RIPOR2: variants seen among roughly 807,000 people sequenced by gnomAD.
RIPOR2 encodes the protein RHO family interacting cell polarization regulator 2, also known as rho family-interacting cell polarization regulator 2.
A neutral mutation model predicts 114.5 loss-of-function variants in RIPOR2; 39 were observed. The observed-to-expected ratio is 0.34, with a 90% CI of 0.26 to 0.44. RIPOR2 has a LOEUF of 0.44. RIPOR2 is among the 20% of genes least tolerant of loss of function. The pLI, the probability that RIPOR2 is intolerant of heterozygous loss-of-function variation, is 1.00. For synonymous variants in RIPOR2, 445 were observed against 484.4 expected (o/e 0.92, Z 1.07); for missense variants, 1,007 against 1,255.1 (o/e 0.80, Z 2.99).
intron 1 of RIPOR2, among the ~76,000 whole-genome samples, chr6:24,956,861 G>A (rs1398595273): frequency 6.6e-6 from 1 of 152,114 alleles, no homozygotes; most frequent in Non-Finnish European, 1.5e-5. Context: ...TTTCTCTTTC[G>A]ATTACCAGTT....
chr6:24,953,911 T>C (rs1473732573), intron 1 of RIPOR2, among the ~76,000 whole-genome samples: 1 of 151,262 alleles, frequency 6.6e-6, no homozygotes, highest in Non-Finnish European at 1.5e-5. Flanking sequence ...AAAACTTACG[T>C]TCATTAAATT....
chr6:24,829,039 C>A (rs1488577413), intron 17 of RIPOR2, among the ~76,000 whole-genome samples: 1 of 151,776 alleles, frequency 6.6e-6, no homozygotes, highest in African/African-American at 2.4e-5. Flanking sequence ...CAGGGCCAGA[C>A]ACAGTGGCTG....
chr6:24,941,627 C>T (rs976087804), intron 1 of RIPOR2, among the ~76,000 whole-genome samples: 1 of 152,118 alleles, frequency 6.6e-6, no homozygotes, highest in African/African-American at 2.4e-5. Flanking sequence ...AGACCCAGTC[C>T]CTAGTCCCTG....
intron 1 of RIPOR2, among the ~76,000 whole-genome samples, chr6:24,969,255 C>T (rs9366589): frequency 0.2 from 29,780 of 152,100 alleles, 3,496 homozygotes; most frequent in East Asian, 0.54. Context: ...TTGGGACTCG[C>T]TATTCAGAGT....
At chr6:24,878,692 A>T (rs988132232) in intron 1 of RIPOR2, among the ~76,000 whole-genome samples, 3 of 152,130 alleles carry the variant, frequency 2.0e-5, no homozygotes, top group African/African-American at 7.2e-5. Flanking sequence ...AGGGTTGTAA[A>T]GTCCCCAGGT....
intron 1 of RIPOR2, among the ~76,000 whole-genome samples, chr6:25,036,098 A>G (rs1777237972): frequency 6.6e-6 from 1 of 152,122 alleles, no homozygotes; most frequent in African/African-American, 2.4e-5. Flanking sequence ...CTGCTGCTTG[A>G]CCAGGTCCCC....
intron 1 of RIPOR2, chr6:25,024,455 C>T (rs1776504203): frequency 1.1e-6 from 1 of 895,872 alleles, no homozygotes; most frequent in South Asian, 1.3e-5. Context: ...CACCATAGGC[C>T]AGAACTCTCA....
At chr6:24,996,172 T>C (rs1373716226) in intron 1 of RIPOR2, among the ~76,000 whole-genome samples, 1 of 152,228 alleles carries the variant, frequency 6.6e-6, no homozygotes, top group Non-Finnish European at 1.5e-5. Context: ...AATGTTTCCT[T>C]ATTGTCCCTA....
chr6:24,849,152 G>T (rs565198832), intron 11 of RIPOR2, among the ~76,000 whole-genome samples: 3 of 152,128 alleles, frequency 2.0e-5, no homozygotes, highest in Non-Finnish European at 4.4e-5. Context: ...TGATCCACCT[G>T]CCTTGGCCTC....
intron 1 of RIPOR2, chr6:24,911,000 C>A: frequency 1.0e-6 from 1 of 984,994 alleles, no homozygotes; most frequent in South Asian, 4.7e-5. Context: ...CTGTCCCCAG[C>A]GCCGGCTGCC....
chr6:24,825,565 T>C (rs1562223465), intron 18 of RIPOR2, 137 bp from the exon 19 acceptor site: 1 of 643,658 alleles, frequency 1.6e-6, no homozygotes, highest in Non-Finnish European at 2.7e-6. Context: ...TAGCATCTGA[T>C]AAAGATGGTA....
In RIPOR2 at chr6:24,819,662, A is replaced by ATTTTTTTTTTTTTTTT. The variant is rs35638159; in HGVS notation, c.2869-1053_2869-1038dup. Among the ~76,000 whole-genome samples, 212 of 103,222 alleles carry ATTTTTTTTTTTTTTTT rather than the reference A, an allele frequency of 2.1e-3. 9 individuals carry two copies. Among genetic ancestry groups the ATTTTTTTTTTTTTTTT allele is most frequent in the Non-Finnish European group, 3.7e-3 (188 of 50,578 alleles). 67.7% of individuals were successfully genotyped at this position (103,222 alleles called of 152,430 possible). On this transcript the variant is annotated intron_variant, in intron 19 of 21. Coordinates refer to ENST00000643898, the MANE Select transcript of RIPOR2 (RefSeq NM_001286445.3). ...AGGTGCCCACCACCACGCCCAGCTA[A>ATTTTTTTTTTTTTTTT]TTTTTTTTTTTTTTTTTTTTAGTGG... is the stretch of plus-strand genomic sequence containing the variant.
chr6:24,976,324 TA>T, intron 1 of RIPOR2: 1 of 856,388 alleles, frequency 1.2e-6, no homozygotes, highest in Middle Eastern at 3.5e-4. Flanking sequence ...ATTGTGTTTT[TA>T]AAAATGACTA....
At chr6:24,849,725 G>T in intron 11 of RIPOR2, 77 bp downstream of exon 11, 2 of 1,313,578 alleles carry the variant, frequency 1.5e-6, no homozygotes, top group Non-Finnish European at 2.2e-6. Flanking sequence ...GATGCGGATG[G>T]TCCATGCACC....
chr6:24,917,922 C>T (rs75193320), intron 1 of RIPOR2, among the ~76,000 whole-genome samples: 2,597 of 152,256 alleles, frequency 0.017, 55 homozygotes, highest in African/African-American at 0.049. Flanking sequence ...AAAAAAGAGA[C>T]GTATCTGTAA....
rs1463396976 is a variant in RIPOR2, at chr6:24,843,047, C to T, written c.1672G>A (p.Ala558Thr). Residue 558 changes from alanine to threonine, a missense_variant, in exon 13 of 22, where the codon GCC becomes ACC. Coordinates refer to ENST00000643898, the MANE Select transcript of RIPOR2 (RefSeq NM_001286445.3). ...CCCTCAGAGAGCAGCCTGTCTGTGG[C>T]CATTGGCACCTCTGCAGATGTGAGC... The part of the protein sequence containing the change: ...KRLTSAEVPM[A>T]TDRLLSEGSV... 3 of 1,612,428 alleles carry T rather than the reference C, an allele frequency of 1.9e-6. No individual in the cohort carries two copies. The highest frequency in any genetic ancestry group is 2.5e-6 in the Non-Finnish European group (3 of 1,178,662).
rs376860490 is a variant in RIPOR2, at chr6:24,927,577, AATT to A, written c.61+8258_61+8260del. The stretch of plus-strand genomic sequence containing the variant: ...ATCATCATCACCTTACCACCACCAC[AATT>A]ATTATTATCTCTATAATCGCTACCA... On this transcript the variant is annotated intron_variant, in intron 1 of 21. Coordinates refer to ENST00000643898, the MANE Select transcript of RIPOR2 (RefSeq NM_001286445.3). Among the ~76,000 whole-genome samples, 317 of 149,876 alleles carry A rather than the reference AATT, an allele frequency of 2.1e-3. 1 individual carries two copies. The highest frequency in any genetic ancestry group is 6.5e-3 in the African/African-American group (266 of 40,624).
intron 1 of RIPOR2, among the ~76,000 whole-genome samples, chr6:24,929,033 A>G (rs894523182): frequency 6.6e-6 from 1 of 152,214 alleles, no homozygotes; most frequent in Non-Finnish European, 1.5e-5. Flanking sequence ...ACATGAAAAA[A>G]TTGAAGATAG....
intron 18 of RIPOR2, among the ~76,000 whole-genome samples, chr6:24,827,545 C>T (rs371603394): frequency 1.3e-4 from 20 of 152,344 alleles, no homozygotes; most frequent in Middle Eastern, 3.4e-3. Flanking sequence ...CCCCTCACTA[C>T]CTGGCTCCAC....
Sources: gnomAD v4.1 joint callset for allele counts (sites outside exome capture counted in the v4.1 genomes callset) on GRCh38, gnomAD v4.1.1 for gene constraint, MANE v1.5 for transcripts, NCBI Gene and HGNC (gene_info 2026-07-23, HGNC 2026-07-21) for gene names.